POU6F2: variants seen among roughly 807,000 people sequenced by gnomAD.
POU6F2 encodes the protein POU domain, class 6, transcription factor 2.
POU6F2 carries 31 observed loss-of-function variants against 71.3 expected under a neutral mutation model. The observed-to-expected ratio is 0.43, with a 90% confidence interval of 0.33 to 0.59. The LOEUF is 0.59. Ranked by LOEUF, POU6F2 falls within the 20% of genes least tolerant of loss-of-function variation. The pLI is 0.04. For synonymous variants in POU6F2, 347 were observed against 355.7 expected (o/e 0.98, Z 0.27); for missense variants, 783 against 856.8 (o/e 0.91, Z 1.07).
At chr7:39,273,279 T>C (rs1206560229) in intron 4 of POU6F2, among the ~76,000 whole-genome samples, 1 of 152,168 alleles carries the variant, frequency 6.6e-6, no homozygotes, top group African/African-American at 2.4e-5. Flanking sequence ...GGAAAAATAC[T>C]GTACAGTGAA....
Position 39,024,295 on chromosome 7 carries a change from G to A in POU6F2, c.105+46237G>A, listed in dbSNP as rs187384712. Reference sequence around the variant, plus strand: ...GTGAATGGGAGTTCACTCATGATTTGGCTCTCTGTTTGTCTGTTATTGGTG... The same window carrying A: ...GTGAATGGGAGTTCACTCATGATTTAGCTCTCTGTTTGTCTGTTATTGGTG... On this transcript the variant is annotated intron_variant, in intron 1 of 9. Transcript: ENST00000518318. 3.1e-3 allele frequency among the ~76,000 whole-genome samples: 477 copies of A among 151,872 alleles called. 10 individuals are homozygous for A. Among genetic ancestry groups the A allele is most frequent in the Admixed American group, 0.028 (419 of 15,230 alleles).
intron 2 of POU6F2, among the ~76,000 whole-genome samples, chr7:39,200,085 T>C (rs557308624): frequency 6.6e-6 from 1 of 152,278 alleles, no homozygotes; most frequent in East Asian, 1.9e-4. Flanking sequence ...AGGATTATGA[T>C]GAAAGAATGG....
At chr7:39,024,783 T>C (rs1036198616) in intron 1 of POU6F2, among the ~76,000 whole-genome samples, 12 of 152,168 alleles carry the variant, frequency 7.9e-5, no homozygotes, top group Admixed American at 2.0e-4. Context: ...TTGTCTTTGG[T>C]TCTGTTTATA....
In POU6F2 at chr7:39,071,586, G is replaced by C. The variant is rs142419820; in HGVS notation, c.106-14274G>C. Among the ~76,000 whole-genome samples the C allele has an allele frequency of 2.2e-3, 326 of 151,582 alleles. 2 individuals carry two copies. The highest frequency in any genetic ancestry group is 7.4e-3 in the African/African-American group (307 of 41,294). Reference sequence around the variant, plus strand: ...CCCAGCACTTTGGGAAGCTGAGGTGGGAGGATCACTTGAACCCAGGAGTTC... The same window carrying C: ...CCCAGCACTTTGGGAAGCTGAGGTGCGAGGATCACTTGAACCCAGGAGTTC... On this transcript the variant is annotated intron_variant, in intron 1 of 9. Transcript: ENST00000518318.
chr7:39,175,614 A>G lies in POU6F2; in HGVS notation c.278-28621A>G, dbSNP rs370194051. Among the ~76,000 whole-genome samples, 146 of 152,320 alleles carry G rather than the reference A, an allele frequency of 9.6e-4. 2 individuals carry two copies. The South Asian group carries it at 0.021, about 22-fold the overall frequency. On this transcript the variant is annotated intron_variant, in intron 2 of 9. Coordinates refer to ENST00000518318, the MANE Select transcript of POU6F2 (RefSeq NM_001370959.1). Reference sequence around the variant, plus strand: ...ATATACTGCTAATAAAGTAATAATGAACCCAGCTCTGTCTTTATATCAATG... The same window carrying G: ...ATATACTGCTAATAAAGTAATAATGGACCCAGCTCTGTCTTTATATCAATG...
At chr7:39,050,430 C>A (rs1790381116) in intron 1 of POU6F2, among the ~76,000 whole-genome samples, 1 of 152,082 alleles carries the variant, frequency 6.6e-6, no homozygotes, top group Non-Finnish European at 1.5e-5. Context: ...CACAGAGGTT[C>A]CTGGTAAGAC....
intron 5 of POU6F2, among the ~76,000 whole-genome samples, chr7:39,352,472 C>T (rs1029186202): frequency 8.5e-5 from 13 of 152,186 alleles, no homozygotes; most frequent in Non-Finnish European, 1.6e-4. Flanking sequence ...AAAACAGTAA[C>T]AAAATGATCC....
intron 4 of POU6F2, among the ~76,000 whole-genome samples, chr7:39,249,497 C>T (rs1280356038): frequency 6.6e-6 from 1 of 152,194 alleles, no homozygotes; most frequent in African/African-American, 2.4e-5. Context: ...TGAAGGATTA[C>T]ATTACGCCTT....
intron 4 of POU6F2, among the ~76,000 whole-genome samples, chr7:39,246,035 G>A (rs1161418662): frequency 6.6e-6 from 1 of 152,124 alleles, no homozygotes; most frequent in African/African-American, 2.4e-5. Context: ...GGAAGTCTTG[G>A]GATAAATGCT....
intron 1 of POU6F2, among the ~76,000 whole-genome samples, chr7:38,997,158 T>G (rs1244602227): frequency 2.0e-5 from 3 of 152,214 alleles, no homozygotes; most frequent in Non-Finnish European, 4.4e-5. Flanking sequence ...TGCTCTGTGT[T>G]GACTTTGTTC....
At chr7:39,463,716 G>A (rs1327179056) in intron 9 of POU6F2, among the ~76,000 whole-genome samples, 1 of 152,136 alleles carries the variant, frequency 6.6e-6, no homozygotes, top group African/African-American at 2.4e-5. Flanking sequence ...CCAAGTCAAT[G>A]GGGGTAATTT....
chr7:38,991,882 T>C (rs569187692), intron 1 of POU6F2, among the ~76,000 whole-genome samples: 1 of 152,166 alleles, frequency 6.6e-6, no homozygotes, highest in East Asian at 1.9e-4. Flanking sequence ...TCTCTATCTT[T>C]ATCTGTCTTT....
intron 2 of POU6F2, among the ~76,000 whole-genome samples, chr7:39,193,017 C>A (rs551613880): frequency 2.6e-5 from 4 of 152,176 alleles, no homozygotes; most frequent in African/African-American, 9.6e-5. Flanking sequence ...TTGTGCATCA[C>A]CTAGGGGCTT....
intron 5 of POU6F2, among the ~76,000 whole-genome samples, chr7:39,390,813 A>C (rs185264800): frequency 4.6e-5 from 7 of 152,292 alleles, no homozygotes; most frequent in East Asian, 1.9e-4. Context: ...ACGCAGAGTT[A>C]AACAAGCTGA....
At chr7:39,085,436 T>C (rs1791218002) in intron 1 of POU6F2, among the ~76,000 whole-genome samples, 1 of 152,102 alleles carries the variant, frequency 6.6e-6, no homozygotes, top group Non-Finnish European at 1.5e-5. Flanking sequence ...AGGGTGCTCT[T>C]CCTTTTTAGT....
chr7:39,111,684 C>T (rs118102199), intron 2 of POU6F2, among the ~76,000 whole-genome samples: 2,396 of 152,210 alleles, frequency 0.016, 24 homozygotes, highest in Non-Finnish European at 0.026. Context: ...GAGTGAAGAG[C>T]GTTCAGTTTG....
intron 8 of POU6F2, among the ~76,000 whole-genome samples, chr7:39,457,185 T>C (rs1788825403): frequency 6.6e-6 from 1 of 152,220 alleles, no homozygotes; most frequent in Non-Finnish European, 1.5e-5. Context: ...AGAGGACACA[T>C]TTACATAAAA....
At chr7:39,447,790 C>A (rs1338374098) in intron 7 of POU6F2, among the ~76,000 whole-genome samples, 2 of 152,136 alleles carry the variant, frequency 1.3e-5, no homozygotes, top group Non-Finnish European at 2.9e-5. Context: ...GTAAATTATT[C>A]CAATTTTTGT....
At chr7:38,999,956 T>C (rs1404494818) in intron 1 of POU6F2, among the ~76,000 whole-genome samples, 1 of 152,222 alleles carries the variant, frequency 6.6e-6, no homozygotes, top group Non-Finnish European at 1.5e-5. Context: ...TGTACTTGCT[T>C]TTTTCCCTAA....
Sources: allele counts gnomAD v4.1 joint callset (sites outside exome capture counted in the v4.1 genomes callset), GRCh38; gene constraint gnomAD v4.1.1; transcripts MANE v1.5; gene names NCBI Gene and HGNC (gene_info 2026-07-23, HGNC 2026-07-21).